The following PRKG1 variants were observed in gnomAD, a reference collection of about 807,000 sequenced individuals.
PRKG1 encodes the protein cGMP-dependent protein kinase 1.
A neutral mutation model predicts 88.1 loss-of-function variants in PRKG1; 35 were observed. That is an observed-to-expected ratio of 0.40 (90% CI 0.30 to 0.53). The LOEUF (loss-of-function observed/expected upper bound fraction) is 0.53. Ranked by LOEUF, PRKG1 falls within the 20% of genes least tolerant of loss-of-function variation. The probability of loss-of-function intolerance (pLI) is 0.59; values close to 1 mark genes in which losing one functional copy is unlikely to be tolerated. For synonymous variants in PRKG1, 303 were observed against 292.5 expected, an observed-to-expected ratio of 1.04 and a Z score of -0.37; for missense variants, 540 against 839.8, an observed-to-expected ratio of 0.64 and a Z score of 4.41.
chr10:51,037,123 G>T (rs977853435), intron 1 of PRKG1, among the ~76,000 whole-genome samples: 3 of 152,078 alleles, frequency 2.0e-5, no homozygotes, highest in African/African-American at 7.2e-5. Context: ...AAGAAGAGAA[G>T]ATATTTTACC....
intron 3 of PRKG1, among the ~76,000 whole-genome samples, chr10:51,598,158 C>T (rs560240514): frequency 1.3e-5 from 2 of 152,180 alleles, no homozygotes; most frequent in Admixed American, 1.3e-4. Context: ...ACTCCATGCT[C>T]TCAAAGAGCT....
At chr10:51,201,350 G>C (rs1043119753) in intron 2 of PRKG1, among the ~76,000 whole-genome samples, 1 of 152,098 alleles carries the variant, frequency 6.6e-6, no homozygotes, top group Non-Finnish European at 1.5e-5. Flanking sequence ...TACTCAGGGG[G>C]CCGAGGCAGG....
intron 2 of PRKG1, among the ~76,000 whole-genome samples, chr10:51,326,105 A>G (rs1841586502): frequency 6.6e-6 from 1 of 152,166 alleles, no homozygotes; most frequent in African/African-American, 2.4e-5. Flanking sequence ...AGTCCTTTGG[A>G]TTGCCTAATA....
chr10:51,213,395 G>A (rs989510647), intron 2 of PRKG1, among the ~76,000 whole-genome samples: 21 of 152,208 alleles, frequency 1.4e-4, no homozygotes, highest in Admixed American at 7.2e-4. Flanking sequence ...GCAGCACACC[G>A]ACATGGCACA....
At chr10:51,768,701 G>A (rs1221754772) in intron 3 of PRKG1, among the ~76,000 whole-genome samples, 2 of 152,066 alleles carry the variant, frequency 1.3e-5, no homozygotes, top group Non-Finnish European at 2.9e-5. Context: ...TTTAAAAGAT[G>A]AAAAAGGAAT....
chr10:51,135,167 G>A (rs1278374624), intron 1 of PRKG1, among the ~76,000 whole-genome samples: 6 of 152,168 alleles, frequency 3.9e-5, no homozygotes, highest in African/African-American at 1.4e-4. Flanking sequence ...TGAATGGATG[G>A]CTGAATCAGT....
At chr10:51,789,239 T>C (rs1485122751) in intron 3 of PRKG1, among the ~76,000 whole-genome samples, 1 of 152,232 alleles carries the variant, frequency 6.6e-6, no homozygotes, top group African/African-American at 2.4e-5. Flanking sequence ...AGATGTGCAA[T>C]GACATTTACC....
chr10:51,587,833 C>T (rs1276559934), intron 3 of PRKG1, among the ~76,000 whole-genome samples: 2 of 152,164 alleles, frequency 1.3e-5, no homozygotes, highest in Non-Finnish European at 2.9e-5. Flanking sequence ...TAAATATCTA[C>T]TTCAGAGAAT....
At chr10:51,637,423 T>A (rs946948105) in intron 3 of PRKG1, among the ~76,000 whole-genome samples, 5 of 152,248 alleles carry the variant, frequency 3.3e-5, no homozygotes, top group African/African-American at 7.2e-5. Flanking sequence ...ACTGGGTATA[T>A]GCTGAAAGGA....
At chr10:51,647,609 T>C (rs1398253948) in intron 3 of PRKG1, among the ~76,000 whole-genome samples, 1 of 152,210 alleles carries the variant, frequency 6.6e-6, no homozygotes, top group Non-Finnish European at 1.5e-5. Context: ...TGTTTGATAG[T>C]ATTGTACTCT....
At chr10:51,150,143 G>A (rs1846035136) in intron 1 of PRKG1, among the ~76,000 whole-genome samples, 1 of 152,110 alleles carries the variant, frequency 6.6e-6, no homozygotes, top group South Asian at 2.1e-4. Flanking sequence ...AAGTCAGGCT[G>A]CTGAATTATT....
chr10:51,361,544 G>A (rs1842480260), intron 2 of PRKG1, among the ~76,000 whole-genome samples: 1 of 151,772 alleles, frequency 6.6e-6, no homozygotes, highest in African/African-American at 2.4e-5. Flanking sequence ...AAATTATTGA[G>A]AGCTCTCAGG....
At chr10:51,983,989 G>A (rs539923115) in intron 5 of PRKG1, among the ~76,000 whole-genome samples, 2 of 152,320 alleles carry the variant, frequency 1.3e-5, no homozygotes, top group African/African-American at 4.8e-5. Flanking sequence ...TATTTGAAAT[G>A]CAATTGGCCA....
chr10:51,780,481 A>C (rs1294728543), intron 3 of PRKG1, among the ~76,000 whole-genome samples: 1 of 152,210 alleles, frequency 6.6e-6, no homozygotes, highest in Non-Finnish European at 1.5e-5. Context: ...AAAGAACTTT[A>C]AAATGCATAT....
intron 3 of PRKG1, among the ~76,000 whole-genome samples, chr10:51,752,150 G>A (rs1186921125): frequency 1.3e-5 from 2 of 151,952 alleles, no homozygotes; most frequent in Admixed American, 6.6e-5. Flanking sequence ...CATTGTTTAT[G>A]TCCATCTCAT....
At chr10:51,699,913 T>C (rs3812672) in intron 3 of PRKG1, among the ~76,000 whole-genome samples, 33,042 of 152,220 alleles carry the variant, frequency 0.22, 4,576 homozygotes, top group African/African-American at 0.4. Context: ...GAGGGGACTC[T>C]TCCCTTGACG....
chr10:51,611,385 G>A (rs1348204713), intron 3 of PRKG1, among the ~76,000 whole-genome samples: 2 of 151,764 alleles, frequency 1.3e-5, no homozygotes, highest in Non-Finnish European at 2.9e-5. Flanking sequence ...ATGATGTTGA[G>A]CATTTTTTCA....
chr10:51,979,257 A>C (rs1356191054), intron 5 of PRKG1, among the ~76,000 whole-genome samples: 1 of 151,962 alleles, frequency 6.6e-6, no homozygotes, highest in Non-Finnish European at 1.5e-5. Flanking sequence ...GATGAATCAC[A>C]GTTATTGATT....
intron 3 of PRKG1, among the ~76,000 whole-genome samples, chr10:51,785,058 T>G (rs542341161): frequency 6.6e-6 from 1 of 152,082 alleles, no homozygotes; most frequent in African/African-American, 2.4e-5. Flanking sequence ...AATTTGATTG[T>G]TATTATATTA....
Sources: gnomAD v4.1 joint callset for allele counts (sites outside exome capture counted in the v4.1 genomes callset) on GRCh38, gnomAD v4.1.1 for gene constraint, MANE v1.5 for transcripts, NCBI Gene and HGNC (gene_info 2026-07-23, HGNC 2026-07-21) for gene names.